Variants in CCDC102B observed in about 807,000 individuals in gnomAD.
The protein encoded by CCDC102B is coiled-coil domain-containing protein 102B.
In CCDC102B, 75 loss-of-function variants were observed where a neutral mutation model predicts 57.4. The ratio of observed to expected loss-of-function variants is 1.31; its 90% CI spans 1.08 to 1.58. The LOEUF (loss-of-function observed/expected upper bound fraction) is 1.58. CCDC102B is among the 40% of genes most tolerant of loss of function. The pLI, the probability that CCDC102B is intolerant of heterozygous loss-of-function variation, is 0.00. For synonymous variants in CCDC102B, 206 were observed against 201.9 expected (o/e 1.02, Z -0.17); for missense variants, 636 against 582.6 (o/e 1.09, Z -0.94).
intron 6 of CCDC102B, among the ~76,000 whole-genome samples, chr18:68,936,822 C>T (rs866721326): frequency 1.3e-4 from 19 of 150,500 alleles, no homozygotes; most frequent in African/African-American, 4.6e-4. Context: ...CACACATATA[C>T]ACATATACAT....
At chr18:68,959,398 G>A (rs1431044842) in intron 6 of CCDC102B, among the ~76,000 whole-genome samples, 1 of 152,200 alleles carries the variant, frequency 6.6e-6, no homozygotes, top group East Asian at 1.9e-4. Flanking sequence ...CTGCAGGTGG[G>A]GTAACACAAG....
At chr18:69,021,121 G>A (rs1274104522) in intron 7 of CCDC102B, among the ~76,000 whole-genome samples, 2 of 152,156 alleles carry the variant, frequency 1.3e-5, no homozygotes, top group Non-Finnish European at 2.9e-5. Context: ...GATATCATCG[G>A]CAATGATGAA....
intron 6 of CCDC102B, among the ~76,000 whole-genome samples, chr18:68,898,714 T>C (rs1260970238): frequency 6.6e-6 from 1 of 152,126 alleles, no homozygotes; most frequent in Admixed American, 6.6e-5. Flanking sequence ...AATGAATCAT[T>C]ATCCCCACCC....
intron 1 of CCDC102B, among the ~76,000 whole-genome samples, chr18:68,801,085 A>G (rs1242628968): frequency 6.6e-6 from 1 of 152,170 alleles, no homozygotes; most frequent in East Asian, 1.9e-4. Flanking sequence ...GTTTAGAATC[A>G]TACTATCATT....
chr18:68,851,590 G>T (rs1253121918), intron 4 of CCDC102B, among the ~76,000 whole-genome samples: 3 of 152,158 alleles, frequency 2.0e-5, no homozygotes, highest in African/African-American at 7.2e-5. Flanking sequence ...ACACTGAGAT[G>T]ACTTACTTTA....
chr18:68,854,996 C>T (rs1008982002), intron 4 of CCDC102B, among the ~76,000 whole-genome samples: 1 of 152,168 alleles, frequency 6.6e-6, no homozygotes, highest in Non-Finnish European at 1.5e-5. Flanking sequence ...AATATTTGCA[C>T]AGGTCAGACT....
chr18:68,857,497 A>G (rs1319380255), intron 4 of CCDC102B, among the ~76,000 whole-genome samples: 2 of 146,054 alleles, frequency 1.4e-5, no homozygotes, highest in Admixed American at 1.4e-4. Context: ...ATTTTTGCAT[A>G]TACATTTTTG....
At chr18:68,732,849 A>G (rs1316719840) in intron 2 of CCDC102B, among the ~76,000 whole-genome samples, 3 of 152,192 alleles carry the variant, frequency 2.0e-5, no homozygotes, top group African/African-American at 7.2e-5. Context: ...TACAAGTTTT[A>G]CAGACCAGGG....
chr18:68,843,477 T>C (rs2037725343), intron 3 of CCDC102B, among the ~76,000 whole-genome samples: 1 of 152,128 alleles, frequency 6.6e-6, no homozygotes, highest in South Asian at 2.1e-4. Flanking sequence ...TAAATTTTAT[T>C]TCCAATTATT....
At chr18:68,759,938 C>G (rs1055601847) in intron 2 of CCDC102B, among the ~76,000 whole-genome samples, 2 of 152,006 alleles carry the variant, frequency 1.3e-5, no homozygotes, top group African/African-American at 4.8e-5. Flanking sequence ...GTTTCAGGGG[C>G]AGTCTGCATC....
intron 1 of CCDC102B, 46 bp from the exon 2 acceptor site, chr18:68,836,703 A>G: frequency 2.0e-6 from 3 of 1,492,820 alleles, no homozygotes; most frequent in African/African-American, 1.4e-5. Flanking sequence ...TCCTGTATTT[A>G]CAAGGGAAAT....
intron 5 of CCDC102B, among the ~76,000 whole-genome samples, chr18:68,879,946 G>A (rs1237149065): frequency 8.5e-5 from 13 of 152,328 alleles, no homozygotes; most frequent in East Asian, 3.9e-4. Flanking sequence ...AGTGGATCCC[G>A]CACCAGGGCT....
chr18:69,047,607 T>C (rs1445790104), intron 7 of CCDC102B, among the ~76,000 whole-genome samples: 3 of 152,092 alleles, frequency 2.0e-5, no homozygotes, highest in African/African-American at 7.2e-5. Context: ...CTATCCCTGT[T>C]TGCAGATGAC....
chr18:68,778,476 C>T (rs1568245140), intron 2 of CCDC102B, among the ~76,000 whole-genome samples: 1 of 152,046 alleles, frequency 6.6e-6, no homozygotes, highest in Non-Finnish European at 1.5e-5. Flanking sequence ...TTTGCCGTCT[C>T]AGCAGATATT....
intron 6 of CCDC102B, among the ~76,000 whole-genome samples, chr18:68,988,452 A>G (rs187827320): frequency 6.6e-6 from 1 of 151,844 alleles, no homozygotes; most frequent in African/African-American, 2.4e-5. Flanking sequence ...TATTCTCACT[A>G]CTTCGGTGGT....
intron 6 of CCDC102B, among the ~76,000 whole-genome samples, chr18:68,981,008 G>A (rs955212751): frequency 1.3e-5 from 2 of 152,044 alleles, no homozygotes; most frequent in East Asian, 1.9e-4. Flanking sequence ...AGGAAAGAGC[G>A]ATGGCTTGGA....
intron 2 of CCDC102B, among the ~76,000 whole-genome samples, chr18:68,726,833 T>A (rs1599374856): frequency 6.6e-6 from 1 of 152,152 alleles, no homozygotes. Context: ...TTTACCATGA[T>A]CATGAATCTG....
At chr18:69,005,516 T>C (rs771091065) in intron 6 of CCDC102B, among the ~76,000 whole-genome samples, 3 of 152,094 alleles carry the variant, frequency 2.0e-5, no homozygotes, top group Non-Finnish European at 2.9e-5. Context: ...TTTTTCCTTC[T>C]ATTAGATACA....
intron 2 of CCDC102B, among the ~76,000 whole-genome samples, chr18:68,779,104 G>A (rs2034921140): frequency 1.3e-5 from 2 of 152,012 alleles, no homozygotes. Context: ...GTTGACAGAT[G>A]TTCCCAAATA....
Sources: gnomAD v4.1 joint callset for allele counts (sites outside exome capture counted in the v4.1 genomes callset) on GRCh38, gnomAD v4.1.1 for gene constraint, MANE v1.5 for transcripts, NCBI Gene and HGNC (gene_info 2026-07-23, HGNC 2026-07-21) for gene names.